Variants in PITPNB observed in about 807,000 individuals in gnomAD.
PITPNB encodes phosphatidylinositol transfer protein beta isoform.
PITPNB carries 16 observed loss-of-function variants against 45.9 expected under a neutral mutation model. The ratio of observed to expected loss-of-function variants is 0.35; its 90% CI spans 0.24 to 0.53. The LOEUF (loss-of-function observed/expected upper bound fraction) is 0.53, where lower values mean the gene tolerates loss of function less well. PITPNB is among the 20% of genes least tolerant of loss of function. PITPNB has a pLI of 0.93. For missense variants in PITPNB, 188 were observed against 330.5 expected (o/e 0.57, Z 3.34); for synonymous variants, 112 against 108.9 (o/e 1.03, Z -0.18).
chr22:27,856,916 T>TA (rs1271347372), intron 10 of PITPNB, among the ~76,000 whole-genome samples: 3 of 152,138 alleles, frequency 2.0e-5, no homozygotes, highest in East Asian at 1.9e-4. Flanking sequence ...GGGTGCTTGT[T>TA]AGAGTCAGAG....
intron 7 of PITPNB, among the ~76,000 whole-genome samples, chr22:27,884,958 AC>A (rs1204272648): frequency 6.6e-6 from 1 of 151,902 alleles, no homozygotes; most frequent in Non-Finnish European, 1.5e-5. Flanking sequence ...GAAGGCTGAT[AC>A]AATCCTTTCT....
At chr22:27,892,269 A>C (rs1418751743) in intron 7 of PITPNB, among the ~76,000 whole-genome samples, 1 of 152,166 alleles carries the variant, frequency 6.6e-6, no homozygotes, top group Non-Finnish European at 1.5e-5. Context: ...GTTCTTGTGC[A>C]ATCTGCCCTT....
At chr22:27,917,243 G>T (rs1334689186) in intron 1 of PITPNB, among the ~76,000 whole-genome samples, 4 of 152,232 alleles carry the variant, frequency 2.6e-5, no homozygotes, top group African/African-American at 9.6e-5. Context: ...AATAGGAACT[G>T]CTTTCCAAGA....
Position 27,872,116 on chromosome 22 carries a change from C to T in PITPNB, c.534+1622G>A, listed in dbSNP as rs574649090. ...TTTTTTTTTTTTTTTTTTTTTGGGACGGAGTCTCACTCTGTCGCCCAGGTT... is the reference window on the plus strand; with the variant it reads ...TTTTTTTTTTTTTTTTTTTTTGGGATGGAGTCTCACTCTGTCGCCCAGGTT... On this transcript the variant is annotated intron_variant, in intron 8 of 11. Transcript: ENST00000335272. Among the ~76,000 whole-genome samples, 6 of 82,790 alleles carry T rather than the reference C, an allele frequency of 7.2e-5. No homozygotes were observed. The East Asian group carries it at 1.2e-3, about 16-fold the overall frequency. 54.3% of individuals were successfully genotyped at this position (82,790 alleles called of 152,430 possible).
intron 7 of PITPNB, among the ~76,000 whole-genome samples, chr22:27,888,840 T>C (rs142936364): frequency 4.7e-4 from 71 of 152,274 alleles, no homozygotes; most frequent in African/African-American, 1.6e-3. Context: ...TAGGGTATGG[T>C]CCGTGGCACA....
intron 1 of PITPNB, 102 bp from the exon 2 acceptor site, chr22:27,914,449 G>T (rs918407996): frequency 1.7e-5 from 12 of 688,964 alleles, no homozygotes. Flanking sequence ...ACAGAGACAG[G>T]TCTCTTAAAT....
intron 7 of PITPNB, among the ~76,000 whole-genome samples, chr22:27,893,287 C>CT (rs33997388): frequency 0.073 from 10,315 of 141,284 alleles, 422 homozygotes; most frequent in South Asian, 0.16. Flanking sequence ...CTGTTTTTTC[C>CT]TTTTTTTTTT....
intron 3 of PITPNB, among the ~76,000 whole-genome samples, chr22:27,905,446 C>A (rs1422287770): frequency 6.6e-6 from 1 of 152,166 alleles, no homozygotes; most frequent in Non-Finnish European, 1.5e-5. Context: ...CCACACCCAG[C>A]CTATTAATTT....
intron 3 of PITPNB, among the ~76,000 whole-genome samples, chr22:27,909,912 TGGGAC>T (rs1420628172): frequency 2.6e-5 from 4 of 151,646 alleles, no homozygotes; most frequent in Admixed American, 2.6e-4. Context: ...CCCAAGTAGC[TGGGAC>T]CATAAGCGTA....
Position 27,853,508 on chromosome 22 carries a change from CAT to C in PITPNB, c.*192_*193del, listed in dbSNP as rs1934085988. On this transcript the variant is annotated 3_prime_UTR_variant, in exon 12 of 12. Transcript: ENST00000335272. ...ATATACAGCTACAGACATATGCACA[CAT>C]ACATATATACACACGTGGTTGAGAA... 1.2e-6 allele frequency: 1 copy of C among 834,800 alleles called. No homozygotes were observed. The highest frequency in any genetic ancestry group is 2.2e-4 in the Middle Eastern group (1 of 4,604). 51.7% of individuals were successfully genotyped at this position (834,800 alleles called of 1,614,324 possible). A position where few individuals can be genotyped will look rare whatever the true frequency, so the allele number is the denominator to read the frequency against.
At chr22:27,881,651 T>G (rs1309141948) in intron 7 of PITPNB, among the ~76,000 whole-genome samples, 1 of 152,186 alleles carries the variant, frequency 6.6e-6, no homozygotes. Flanking sequence ...GGGTAGCCAC[T>G]GCACAGCTCC....
intron 8 of PITPNB, among the ~76,000 whole-genome samples, chr22:27,861,896 T>A (rs922650860): frequency 6.6e-6 from 1 of 152,230 alleles, no homozygotes; most frequent in Non-Finnish European, 1.5e-5. Context: ...AACGTTGTAT[T>A]GACCACTTTT....
At chr22:27,906,488 A>C (rs1354443674) in intron 3 of PITPNB, among the ~76,000 whole-genome samples, 9 of 152,192 alleles carry the variant, frequency 5.9e-5, no homozygotes, top group Admixed American at 5.9e-4. Context: ...ACGTAGAGCA[A>C]AGTGGTTAGT....
intron 8 of PITPNB, among the ~76,000 whole-genome samples, chr22:27,865,651 C>CTG (rs1272268943): frequency 6.6e-6 from 1 of 152,088 alleles, no homozygotes; most frequent in Non-Finnish European, 1.5e-5. Context: ...GGTTCACAGC[C>CTG]TGTGGCAAGG....
chr22:27,898,773 T>C (rs975223161), intron 3 of PITPNB, among the ~76,000 whole-genome samples: 3 of 152,144 alleles, frequency 2.0e-5, no homozygotes, highest in African/African-American at 7.2e-5. Flanking sequence ...AGAGAAAGGT[T>C]CAATACATGA....
chr22:27,880,611 T>C (rs1934941684), intron 7 of PITPNB, among the ~76,000 whole-genome samples: 2 of 152,196 alleles, frequency 1.3e-5, no homozygotes, highest in African/African-American at 4.8e-5. Flanking sequence ...GTACAAAACA[T>C]GCTTGTACAC....
chr22:27,898,672 C>T (rs965412720), intron 3 of PITPNB, among the ~76,000 whole-genome samples: 19 of 151,938 alleles, frequency 1.3e-4, no homozygotes, highest in Non-Finnish European at 2.2e-4. Flanking sequence ...AGGACCCATG[C>T]AGAAAATGAG....
intron 8 of PITPNB, among the ~76,000 whole-genome samples, chr22:27,872,162 T>C (rs1739981578): frequency 7.1e-6 from 1 of 141,510 alleles, no homozygotes; most frequent in South Asian, 2.3e-4. Flanking sequence ...GGTGCAATCT[T>C]AGCTCACTGC....
At chr22:27,919,007 C>A in intron 1 of PITPNB, 165 bp downstream of exon 1, 1 of 973,884 alleles carries the variant, frequency 1.0e-6, no homozygotes, top group South Asian at 1.3e-5. Context: ...CCGAGGGGCG[C>A]ACTCGCTGAG....
Sources: allele counts gnomAD v4.1 joint callset (sites outside exome capture counted in the v4.1 genomes callset), GRCh38; gene constraint gnomAD v4.1.1; transcripts MANE v1.5; gene names NCBI Gene and HGNC (gene_info 2026-07-23, HGNC 2026-07-21).